Variants in KLF8 observed in about 807,000 individuals in gnomAD.
The protein encoded by KLF8 is KLF transcription factor 8.
A neutral mutation model predicts 18.2 loss-of-function variants in KLF8; 10 were observed. The ratio of observed to expected loss-of-function variants is 0.55; its 90% CI spans 0.34 to 0.93. The LOEUF is 0.93. Among genes scored for constraint, KLF8 ranks in the 40% least tolerant of loss-of-function variants. The pLI is 0.02. For synonymous variants in KLF8, 109 were observed against 97.3 expected, an observed-to-expected ratio of 1.12 and a Z score of -0.71; for missense variants, 264 against 277.9, an observed-to-expected ratio of 0.95 and a Z score of 0.36.
the KLF8 span, among the ~76,000 whole-genome samples, chrX:55,995,313 A>C: frequency 8.9e-6 from 1 of 112,320 alleles, no homozygotes; most frequent in Non-Finnish European, 1.9e-5. Context: ...TGATTATAGC[A>C]TGCACTTGGG....
chrX:56,201,802 ATAGAGGC>A, the KLF8 span, among the ~76,000 whole-genome samples: 1 of 111,666 alleles, frequency 9.0e-6, no homozygotes, highest in Non-Finnish European at 1.9e-5. Flanking sequence ...AATTACATTA[ATAGAGGC>A]TCATCAAAAA....
chrX:55,946,548 G>C, the KLF8 span, among the ~76,000 whole-genome samples: 2 of 111,589 alleles, frequency 1.8e-5, no homozygotes, highest in African/African-American at 6.5e-5. Context: ...AGAAAACCTA[G>C]GCATTACCAT....
the KLF8 span, among the ~76,000 whole-genome samples, chrX:56,125,736 G>A: frequency 8.9e-6 from 1 of 112,039 alleles, no homozygotes; most frequent in African/African-American, 3.2e-5. Context: ...AGTTTATGGG[G>A]AAGAGTGTAG....
chrX:56,052,765 G>A, the KLF8 span, among the ~76,000 whole-genome samples: 1 of 112,071 alleles, frequency 8.9e-6, no homozygotes, highest in East Asian at 2.8e-4. Flanking sequence ...AAGGAGGCAG[G>A]CAGGCCTCCT....
Position 56,247,186 on chromosome X carries a change from C to T in KLF8, c.8-3045C>T, listed in dbSNP as rs756106326. 3.6e-5 allele frequency among the ~76,000 whole-genome samples: 4 copies of T among 112,037 alleles called. No individual in the cohort carries two copies. The South Asian group carries it at 1.5e-3, about 41-fold the overall frequency. On this transcript the variant is annotated intron_variant, in intron 1 of 5. Transcript: ENST00000468660. ...TAGCTTATTGCTCCTAGGCTACAAA[C>T]TTCTATAGCATGTTACTGTACTGGA...
the KLF8 span, among the ~76,000 whole-genome samples, chrX:55,920,184 C>T: frequency 8.9e-6 from 1 of 111,751 alleles, no homozygotes; most frequent in South Asian, 3.8e-4. Flanking sequence ...TACAGTTCCT[C>T]TGTACTGTAG....
chrX:56,195,919 G>A, the KLF8 span, among the ~76,000 whole-genome samples: 4 of 111,843 alleles, frequency 3.6e-5, no homozygotes, highest in Non-Finnish European at 7.5e-5. Flanking sequence ...GAGAGTGGGG[G>A]CCAACACTCA....
the KLF8 span, among the ~76,000 whole-genome samples, chrX:55,944,667 G>C: frequency 9.0e-6 from 1 of 110,806 alleles, no homozygotes; most frequent in African/African-American, 3.3e-5. Context: ...CTGTGGGTTC[G>C]GTGGTGATAT....
chrX:56,034,045 C>T, the KLF8 span, among the ~76,000 whole-genome samples: 9 of 111,933 alleles, frequency 8.0e-5, no homozygotes, highest in South Asian at 2.9e-3. Flanking sequence ...TATTTTTGTT[C>T]GTGTTGCCTA....
intron 1 of KLF8, among the ~76,000 whole-genome samples, chrX:56,239,812 T>C (rs1327195343): frequency 8.9e-6 from 1 of 112,358 alleles, no homozygotes; most frequent in Non-Finnish European, 1.9e-5. Context: ...AGCTCCATTT[T>C]GTTTTCTTTT....
At chrX:56,168,896 G>A in the KLF8 span, among the ~76,000 whole-genome samples, 15 of 111,643 alleles carry the variant, frequency 1.3e-4, no homozygotes, top group Middle Eastern at 4.7e-3. Context: ...TAGCACAAAA[G>A]ACCCTGAATA....
chrX:56,134,757 G>T, the KLF8 span, among the ~76,000 whole-genome samples: 14 of 109,676 alleles, frequency 1.3e-4, no homozygotes, highest in African/African-American at 4.7e-4. Context: ...TTATACATCT[G>T]ACAAGACTAA....
At chrX:55,933,781 A>G in the KLF8 span, among the ~76,000 whole-genome samples, 1 of 111,816 alleles carries the variant, frequency 8.9e-6, no homozygotes, top group Non-Finnish European at 1.9e-5. Context: ...GACTGTGTGC[A>G]CCTTCCAACC....
the KLF8 span, among the ~76,000 whole-genome samples, chrX:56,178,780 G>T: frequency 8.9e-6 from 1 of 111,930 alleles, no homozygotes; most frequent in African/African-American, 3.3e-5. Context: ...GTTTGTCAAA[G>T]ATCAGATGGT....
chrX:56,199,860 A>C, the KLF8 span, among the ~76,000 whole-genome samples: 1 of 112,006 alleles, frequency 8.9e-6, no homozygotes, highest in Non-Finnish European at 1.9e-5. Flanking sequence ...GACTGGATTA[A>C]GAAAATGTGG....
chrX:55,912,684 A>G, the KLF8 span, among the ~76,000 whole-genome samples: 5 of 111,285 alleles, frequency 4.5e-5, no homozygotes, highest in Non-Finnish European at 9.4e-5. Flanking sequence ...TTGTTTCATC[A>G]GTTAGGTTCC....
At chrX:56,094,262 G>A in the KLF8 span, among the ~76,000 whole-genome samples, 5 of 110,693 alleles carry the variant, frequency 4.5e-5, no homozygotes, top group East Asian at 1.4e-3. Flanking sequence ...AAGTAAAGGG[G>A]TGGGAAAAGA....
At chrX:56,240,662 A>G (rs2066532118) in intron 1 of KLF8, among the ~76,000 whole-genome samples, 1 of 111,451 alleles carries the variant, frequency 9.0e-6, no homozygotes, top group Admixed American at 9.6e-5. Flanking sequence ...AGATATAAAA[A>G]CACCTTCATT....
At chrX:55,996,017 T>A in the KLF8 span, among the ~76,000 whole-genome samples, 1 of 112,087 alleles carries the variant, frequency 8.9e-6, no homozygotes. Flanking sequence ...AAGTTTGGTC[T>A]CTTTACATAA....
Sources: allele counts gnomAD v4.1 joint callset (sites outside exome capture counted in the v4.1 genomes callset), GRCh38; gene constraint gnomAD v4.1.1; transcripts MANE v1.5; gene names NCBI Gene and HGNC (gene_info 2026-07-23, HGNC 2026-07-21).